The following ANKFN1 variants were observed in gnomAD, a reference collection of about 807,000 sequenced individuals.
ANKFN1 encodes ankyrin repeat and fibronectin type-III domain-containing protein 1.
ANKFN1 carries 74 observed loss-of-function variants against 108.7 expected under a neutral mutation model. That is an observed-to-expected ratio of 0.68 (90% CI 0.56 to 0.83). The LOEUF is 0.83. Ranked by LOEUF, ANKFN1 falls within the 40% of genes least tolerant of loss-of-function variation. The pLI is 0.00. For synonymous variants in ANKFN1, 547 were observed against 516.2 expected (o/e 1.06, Z -0.81); for missense variants, 1,505 against 1,382.3 (o/e 1.09, Z -1.41).
At chr17:56,096,120 C>A (rs191040802) in intron 4 of ANKFN1, among the ~76,000 whole-genome samples, 16 of 152,298 alleles carry the variant, frequency 1.1e-4, no homozygotes, top group Admixed American at 6.5e-4. Flanking sequence ...CAGGTCCTGG[C>A]ACATGTTAAG....
intron 1 of ANKFN1, chr17:56,174,065 G>C (rs1003628139): frequency 5.4e-6 from 3 of 553,746 alleles, no homozygotes; most frequent in Non-Finnish European, 6.9e-6. Flanking sequence ...TGTACTTGCT[G>C]TGCTATCAGG....
intron 4 of ANKFN1, among the ~76,000 whole-genome samples, chr17:56,079,058 G>A (rs866052986): frequency 1.3e-5 from 2 of 152,176 alleles, no homozygotes; most frequent in Non-Finnish European, 2.9e-5. Flanking sequence ...GAGTGGGGCT[G>A]ACAAATAGGG....
chr17:56,397,858 TTAA>T (rs2047633045), intron 8 of ANKFN1, among the ~76,000 whole-genome samples: 1 of 152,184 alleles, frequency 6.6e-6, no homozygotes, highest in Non-Finnish European at 1.5e-5. Context: ...TATCTCGTCT[TTAA>T]ACCTTAGTTC....
intron 4 of ANKFN1, among the ~76,000 whole-genome samples, chr17:56,064,267 G>T (rs913502484): frequency 3.3e-5 from 5 of 152,214 alleles, no homozygotes; most frequent in African/African-American, 7.2e-5. Context: ...GATGGAAGGG[G>T]TGTGCTGTGC....
intron 4 of ANKFN1, among the ~76,000 whole-genome samples, chr17:56,102,129 A>G (rs926719399): frequency 1.1e-4 from 17 of 152,172 alleles, no homozygotes; most frequent in African/African-American, 4.1e-4. Context: ...GCCACATCCT[A>G]TGTGTGTACA....
intron 1 of ANKFN1, among the ~76,000 whole-genome samples, chr17:56,181,377 C>G (rs1011459057): frequency 1.3e-5 from 2 of 152,100 alleles, no homozygotes; most frequent in African/African-American, 4.8e-5. Flanking sequence ...TGTGCCAAAT[C>G]CTTTACAAAG....
intron 4 of ANKFN1, among the ~76,000 whole-genome samples, chr17:56,067,962 C>T (rs1025781419): frequency 1.3e-5 from 2 of 152,102 alleles, no homozygotes; most frequent in Admixed American, 6.5e-5. Context: ...AACCCCAAAG[C>T]CTTAGCCTAT....
At chr17:56,284,084 T>C (rs2044154633) in intron 3 of ANKFN1, among the ~76,000 whole-genome samples, 1 of 152,214 alleles carries the variant, frequency 6.6e-6, no homozygotes, top group Admixed American at 6.5e-5. Flanking sequence ...TGGTATTTGA[T>C]AAGAATTTCA....
At chr17:56,207,723 C>T (rs1249664030) in intron 1 of ANKFN1, among the ~76,000 whole-genome samples, 2 of 152,134 alleles carry the variant, frequency 1.3e-5, no homozygotes, top group Non-Finnish European at 2.9e-5. Context: ...CTAATACCCT[C>T]GCTGGATCAT....
At chr17:56,285,905 A>G (rs1351694823) in intron 3 of ANKFN1, among the ~76,000 whole-genome samples, 1 of 152,048 alleles carries the variant, frequency 6.6e-6, no homozygotes, top group East Asian at 1.9e-4. Flanking sequence ...GTGTTGACCT[A>G]GTCTTTGTAA....
At chr17:56,073,238 C>T (rs900865147) in intron 4 of ANKFN1, among the ~76,000 whole-genome samples, 3 of 152,116 alleles carry the variant, frequency 2.0e-5, no homozygotes, top group Non-Finnish European at 4.4e-5. Flanking sequence ...GTGATCCGCC[C>T]GCCTCGGCCT....
intron 1 of ANKFN1, among the ~76,000 whole-genome samples, chr17:56,206,043 T>C (rs1004984687): frequency 2.0e-5 from 3 of 152,182 alleles, no homozygotes; most frequent in African/African-American, 7.2e-5. Context: ...TCCTCATGAC[T>C]TTATAATGTT....
At chr17:56,331,364 C>T (rs770413670) in intron 4 of ANKFN1, among the ~76,000 whole-genome samples, 4 of 152,176 alleles carry the variant, frequency 2.6e-5, no homozygotes, top group Admixed American at 6.5e-5. Context: ...ACCTGTCAAG[C>T]ATGGTTAGAA....
At chr17:56,458,004 GC>G (rs1297651602) in intron 14 of ANKFN1, 25 bp downstream of exon 14, 2 of 1,584,108 alleles carry the variant, frequency 1.3e-6, no homozygotes, top group Non-Finnish European at 1.7e-6. Context: ...TTCAACCCAG[GC>G]CCCCAAGGAA....
intron 4 of ANKFN1, among the ~76,000 whole-genome samples, chr17:56,061,665 G>T (rs1185840807): frequency 1.3e-5 from 2 of 151,968 alleles, no homozygotes; most frequent in Non-Finnish European, 2.9e-5. Context: ...TTCTTTATTA[G>T]TCTAGCTAGC....
intron 18 of ANKFN1, among the ~76,000 whole-genome samples, chr17:56,487,568 C>A (rs2050895596): frequency 6.6e-6 from 1 of 151,954 alleles, no homozygotes; most frequent in African/African-American, 2.4e-5. Context: ...TAGTTTGAGG[C>A]CTGGTATATA....
At chr17:56,167,294 CATACAT>C (rs1237889620) in intron 1 of ANKFN1, among the ~76,000 whole-genome samples, 8 of 110,318 alleles carry the variant, frequency 7.3e-5, no homozygotes, top group African/African-American at 2.9e-4. Flanking sequence ...TATACACACA[CATACAT>C]ATATACACAC....
chr17:56,226,055 A>C (rs1438133846), intron 2 of ANKFN1, among the ~76,000 whole-genome samples: 70 of 152,186 alleles, frequency 4.6e-4, no homozygotes. Flanking sequence ...CAGGTTCTTC[A>C]AAGGAGCTGA....
At chr17:56,269,818 G>C (rs1344026874) in intron 3 of ANKFN1, among the ~76,000 whole-genome samples, 1 of 152,184 alleles carries the variant, frequency 6.6e-6, no homozygotes, top group African/African-American at 2.4e-5. Flanking sequence ...ATTGCACCGT[G>C]TTTGGGGCCC....
Sources: gnomAD v4.1 joint callset for allele counts (sites outside exome capture counted in the v4.1 genomes callset) on GRCh38, gnomAD v4.1.1 for gene constraint, MANE v1.5 for transcripts, NCBI Gene and HGNC (gene_info 2026-07-23, HGNC 2026-07-21) for gene names.